Variants in ASXL3 observed in about 807,000 individuals in gnomAD.
The protein encoded by ASXL3 is ASXL transcriptional regulator 3.
In ASXL3, 34 loss-of-function variants were observed where a neutral mutation model predicts 170.6. That is an observed-to-expected ratio of 0.20 (90% CI 0.15 to 0.27). The LOEUF (loss-of-function observed/expected upper bound fraction) is 0.27. Among genes scored for constraint, ASXL3 ranks in the 10% least tolerant of loss-of-function variants. The pLI is 1.00. For synonymous variants in ASXL3, 1,002 were observed against 989.1 expected (o/e 1.01, Z -0.24); for missense variants, 2,592 against 2,695.3 (o/e 0.96, Z 0.85).
chr18:33,632,967 C>G (rs1599421221), intron 2 of ASXL3, among the ~76,000 whole-genome samples: 1 of 152,296 alleles, frequency 6.6e-6, no homozygotes, highest in Middle Eastern at 3.4e-3. Flanking sequence ...GACCTTCCCT[C>G]TGGAATCTGA....
intron 2 of ASXL3, among the ~76,000 whole-genome samples, chr18:33,637,499 T>A (rs527285377): frequency 5.5e-4 from 83 of 152,174 alleles, no homozygotes; most frequent in Non-Finnish European, 9.7e-4. Context: ...GGTGGAGTAT[T>A]GACCATTGCT....
chr18:33,674,780 G>A (rs1341686669), intron 7 of ASXL3, among the ~76,000 whole-genome samples: 2 of 151,134 alleles, frequency 1.3e-5, no homozygotes, highest in African/African-American at 2.4e-5. Flanking sequence ...CACCACACCC[G>A]GCTAATTTTT....
chr18:33,607,475 C>A, intron 1 of ASXL3, 119 bp from the exon 2 acceptor site: 1 of 826,760 alleles, frequency 1.2e-6, no homozygotes, highest in Non-Finnish European at 2.0e-6. Flanking sequence ...TGATGGACTG[C>A]TTTTGATGTA....
At chr18:33,677,335 C>G (rs548614083) in intron 7 of ASXL3, among the ~76,000 whole-genome samples, 5 of 152,222 alleles carry the variant, frequency 3.3e-5, no homozygotes, top group Non-Finnish European at 7.4e-5. Flanking sequence ...CATTATTTGA[C>G]ATTTCTTACT....
intron 7 of ASXL3, among the ~76,000 whole-genome samples, chr18:33,678,321 G>T (rs1034449069): frequency 6.6e-6 from 1 of 152,124 alleles, no homozygotes; most frequent in Non-Finnish European, 1.5e-5. Context: ...CTTCTTGTCT[G>T]CCTGGTCTGC....
At chr18:33,639,089 T>C (rs908553938) in intron 2 of ASXL3, among the ~76,000 whole-genome samples, 2 of 152,204 alleles carry the variant, frequency 1.3e-5, no homozygotes, top group African/African-American at 4.8e-5. Flanking sequence ...TTTGTCATTC[T>C]TTTTACATTT....
At chr18:33,674,722 C>G (rs2066398171) in intron 7 of ASXL3, among the ~76,000 whole-genome samples, 1 of 152,142 alleles carries the variant, frequency 6.6e-6, no homozygotes, top group East Asian at 1.9e-4. Context: ...GGGTTCACCC[C>G]ATTCTGCTGC....
At position 33,744,595 on chromosome 18, in the gene ASXL3, G is replaced by T. The variant is rs2067737024; in HGVS notation, c.4747G>T (p.Ala1583Ser). Residue 1583 changes from alanine (A) to serine (S), a missense_variant, in exon 12 of 12, where the codon GCA becomes TCA. Around this residue, in one of 4 missense-constraint regions of ASXL3, gnomAD observed 2,246 missense variants for 2,219.6 expected, o/e 1.01. Transcript: ENST00000269197. ...TCCCAGTCATAACTTTGCTGAGCAGGCACGTGGCCCAGCTCCTTTCAAAAG... is the reference window on the plus strand; with the variant it reads ...TCCCAGTCATAACTTTGCTGAGCAGTCACGTGGCCCAGCTCCTTTCAAAAG... Reference protein sequence around the residue: ...TAPSHNFAEQARGPAPFKSEA... With the variant: ...TAPSHNFAEQSRGPAPFKSEA... The T allele has an allele frequency of 6.2e-7, 1 of 1,609,534 alleles. No individual in the cohort carries two copies. Among genetic ancestry groups the T allele is most frequent in the African/African-American group, 1.3e-5 (1 of 74,884 alleles).
At position 33,731,952 on chromosome 18, in the gene ASXL3, C is replaced by T. The variant is rs193195531; in HGVS notation, c.880-16C>T. ...ATTCCTGATGGAACCTTGTTTTTGTCGGCTTATTTTCCTAGATGGGAAGTG... is the reference window on the plus strand; with the variant it reads ...ATTCCTGATGGAACCTTGTTTTTGTTGGCTTATTTTCCTAGATGGGAAGTG... On this transcript the variant is annotated splice_polypyrimidine_tract_variant and intron_variant, in intron 8 of 11. Transcript: ENST00000269197. The T allele has an allele frequency of 6.8e-5, 109 of 1,592,146 alleles. No individual in the cohort carries two copies. The East Asian group carries it at 1.6e-3, about 23-fold the overall frequency.
chr18:33,744,376 T>C lies in ASXL3; in HGVS notation c.4528T>C (p.Ser1510Pro), dbSNP rs2067728620. Residue 1510 changes from serine to proline, a missense_variant, in exon 12 of 12, where the codon TCC (serine) becomes CCC (proline). Coordinates refer to ENST00000269197, the MANE Select transcript of ASXL3 (RefSeq NM_030632.3). ...LQGRPVRTEA[S>P]VQPVACPQVS... ...GGGCAGACCAGTGAGGACAGAGGCA[T>C]CCGTACAGCCCGTGGCGTGTCCTCA... 1 of 1,613,776 alleles carries C rather than the reference T, an allele frequency of 6.2e-7. No individual in the cohort carries two copies. The highest frequency in any genetic ancestry group is 1.1e-5 in the South Asian group (1 of 91,088).
intron 9 of ASXL3, 125 bp downstream of exon 9, chr18:33,732,189 T>A: frequency 1.9e-6 from 1 of 536,220 alleles, no homozygotes; most frequent in Non-Finnish European, 3.0e-6. Context: ...TAAAAACTCA[T>A]ATCCCTTTCC....
At chr18:33,648,261 G>A (rs972275712) in intron 4 of ASXL3, among the ~76,000 whole-genome samples, 3 of 152,162 alleles carry the variant, frequency 2.0e-5, no homozygotes, top group Non-Finnish European at 2.9e-5. Context: ...AGCTATTGTC[G>A]TAATCTAGAG....
intron 8 of ASXL3, among the ~76,000 whole-genome samples, chr18:33,718,828 T>A (rs1228514847): frequency 6.6e-6 from 1 of 151,974 alleles, no homozygotes; most frequent in Non-Finnish European, 1.5e-5. Context: ...TTCTATTGGC[T>A]ATAAGCAAGT....
intron 8 of ASXL3, among the ~76,000 whole-genome samples, chr18:33,728,878 C>A (rs1216721781): frequency 2.0e-5 from 3 of 152,126 alleles, no homozygotes; most frequent in Non-Finnish European, 4.4e-5. Flanking sequence ...TCCTTGGCTT[C>A]AAAAATTTGA....
intron 8 of ASXL3, among the ~76,000 whole-genome samples, chr18:33,706,207 A>T (rs9952444): frequency 0.7 from 106,406 of 151,292 alleles, 39,044 homozygotes; most frequent in East Asian, 0.98. Flanking sequence ...GGGCTTCTAA[A>T]AACCAAGGAA....
At chr18:33,661,584 T>G (rs762552510) in intron 4 of ASXL3, 32 bp from the exon 5 acceptor site, 6 of 1,574,954 alleles carry the variant, frequency 3.8e-6, no homozygotes, top group Non-Finnish European at 2.6e-6. Flanking sequence ...GGAATTCAAA[T>G]TAGTAATATC....
At chr18:33,593,150 A>G (rs2065092875) in intron 1 of ASXL3, among the ~76,000 whole-genome samples, 2 of 152,094 alleles carry the variant, frequency 1.3e-5, no homozygotes, top group East Asian at 3.9e-4. Context: ...TGTTTCATTG[A>G]AAAGGTATGG....
intron 1 of ASXL3, among the ~76,000 whole-genome samples, chr18:33,607,386 A>T (rs892047310): frequency 1.3e-5 from 2 of 151,880 alleles, no homozygotes; most frequent in Non-Finnish European, 2.9e-5. Context: ...TGTTTGAAGG[A>T]TGGCCCCTTT....
In ASXL3 at chr18:33,747,471, C is replaced by T. The variant is rs930548320; in HGVS notation, c.*876C>T. 7 of 150,338 alleles carry T rather than the reference C, an allele frequency of 4.7e-5. No homozygotes were observed. Among genetic ancestry groups the T allele is most frequent in the Non-Finnish European group, 7.4e-5 (5 of 67,814 alleles). The allele number at this position is 150,338 out of a possible 1,614,324, so 9.3% of individuals were successfully genotyped here. A position where few individuals can be genotyped will look rare whatever the true frequency, so the allele number is the denominator to read the frequency against. On this transcript the variant is annotated 3_prime_UTR_variant, in exon 12 of 12. Coordinates refer to ENST00000269197, the MANE Select transcript of ASXL3 (RefSeq NM_030632.3). Reference sequence around the variant, plus strand: ...GCAAGGAAATAAGATGCTGTATATGCACACATAAATGCATTGATAATGTAA... The same window carrying T: ...GCAAGGAAATAAGATGCTGTATATGTACACATAAATGCATTGATAATGTAA...
Sources: allele counts gnomAD v4.1 joint callset (sites outside exome capture counted in the v4.1 genomes callset), GRCh38; gene constraint gnomAD v4.1.1; regional missense constraint gnomAD v4.1.1; transcripts MANE v1.5; gene names NCBI Gene and HGNC (gene_info 2026-07-23, HGNC 2026-07-21).